Variants in LARGE1 observed in about 807,000 individuals in gnomAD.
The protein encoded by LARGE1 is LARGE xylosyl- and glucuronyltransferase 1.
LARGE1 carries 43 observed loss-of-function variants against 87.6 expected under a neutral mutation model. The observed-to-expected ratio is 0.49, with a 90% CI of 0.38 to 0.63. LARGE1 has a LOEUF of 0.63. LARGE1 is among the 30% of genes least tolerant of loss of function. LARGE1 has a pLI of 0.00. For synonymous variants in LARGE1, 434 were observed against 394.6 expected, an observed-to-expected ratio of 1.10 and a Z score of -1.18; for missense variants, 802 against 1,000.2, an observed-to-expected ratio of 0.80 and a Z score of 2.67.
intron 1 of LARGE1, among the ~76,000 whole-genome samples, chr22:33,896,247 T>A (rs2065142356): frequency 6.6e-6 from 1 of 152,262 alleles, no homozygotes; most frequent in Admixed American, 6.5e-5. Context: ...TTCATCCATG[T>A]TGTCGCATGT....
intron 3 of LARGE1, among the ~76,000 whole-genome samples, chr22:33,636,998 T>G (rs2080287482): frequency 6.6e-6 from 1 of 152,204 alleles, no homozygotes; most frequent in Admixed American, 6.5e-5. Context: ...GCCCCAAATT[T>G]CCTCAAATGT....
the LARGE1 span, among the ~76,000 whole-genome samples, chr22:33,152,559 T>C: frequency 6.6e-6 from 1 of 152,160 alleles, no homozygotes; most frequent in Non-Finnish European, 1.5e-5. Context: ...TTTGGATTTT[T>C]TATTTTTATT....
chr22:33,885,405 C>T (rs961064456), intron 1 of LARGE1, among the ~76,000 whole-genome samples: 1 of 152,180 alleles, frequency 6.6e-6, no homozygotes, highest in African/African-American at 2.4e-5. Context: ...GCTAACTACA[C>T]GTGAAGTCCC....
intron 6 of LARGE1, among the ~76,000 whole-genome samples, chr22:33,458,525 G>A (rs377426541): frequency 1.3e-5 from 2 of 151,842 alleles, no homozygotes; most frequent in African/African-American, 4.8e-5. Flanking sequence ...TCCGCTTCCC[G>A]GGTTCAAGCT....
chr22:33,764,551 A>C (rs2069683282), intron 1 of LARGE1, among the ~76,000 whole-genome samples: 1 of 152,110 alleles, frequency 6.6e-6, no homozygotes, highest in African/African-American at 2.4e-5. Flanking sequence ...TGAGGTCAGG[A>C]GTTTGAGACC....
At chr22:33,787,464 AAAT>A (rs776899165) in intron 1 of LARGE1, among the ~76,000 whole-genome samples, 2 of 152,168 alleles carry the variant, frequency 1.3e-5, no homozygotes, top group African/African-American at 2.4e-5. Flanking sequence ...ACCTGATATA[AAAT>A]AATATTTCAA....
At chr22:33,402,770 G>A (rs572237665) in intron 7 of LARGE1, among the ~76,000 whole-genome samples, 1 of 152,244 alleles carries the variant, frequency 6.6e-6, no homozygotes, top group South Asian at 2.1e-4. Flanking sequence ...CTATTGACCT[G>A]TAGGCACTGA....
chr22:33,644,027 TA>T (rs2080527512), intron 3 of LARGE1, among the ~76,000 whole-genome samples: 1 of 151,866 alleles, frequency 6.6e-6, no homozygotes, highest in African/African-American at 2.4e-5. Context: ...ATTCCAAAAA[TA>T]AAAAAAGAGG....
intron 12 of LARGE1, among the ~76,000 whole-genome samples, chr22:33,299,382 C>T (rs1240429987): frequency 6.6e-6 from 1 of 152,088 alleles, no homozygotes; most frequent in African/African-American, 2.4e-5. Flanking sequence ...GTCTGAATGA[C>T]CCCCAGGGAC....
chr22:33,516,473 C>T (rs2148476085), intron 6 of LARGE1, among the ~76,000 whole-genome samples: 1 of 152,220 alleles, frequency 6.6e-6, no homozygotes, highest in Non-Finnish European at 1.5e-5. Context: ...AAAAGGAAGC[C>T]CCACCTTTCA....
intron 11 of LARGE1, among the ~76,000 whole-genome samples, chr22:33,168,052 G>T (rs577432367): frequency 6.6e-6 from 1 of 152,262 alleles, no homozygotes; most frequent in Admixed American, 6.5e-5. Flanking sequence ...TCCTTTTAGT[G>T]GGTGAACTTT....
chr22:33,170,989 C>T (rs2227081), intron 11 of LARGE1, among the ~76,000 whole-genome samples: 18,842 of 152,028 alleles, frequency 0.12, 1,294 homozygotes, highest in East Asian at 0.21. Flanking sequence ...GTGATATGGA[C>T]GATAAAGTCC....
At chr22:33,505,342 G>T (rs77029073) in intron 6 of LARGE1, among the ~76,000 whole-genome samples, 1 of 152,194 alleles carries the variant, frequency 6.6e-6, no homozygotes, top group African/African-American at 2.4e-5. Context: ...CCAGGTTTCT[G>T]TCTGGAGCTA....
intron 9 of LARGE1, among the ~76,000 whole-genome samples, chr22:33,345,525 G>A (rs139234824): frequency 6.6e-6 from 1 of 152,338 alleles, no homozygotes; most frequent in East Asian, 1.9e-4. Context: ...CATGGAAGTT[G>A]CATGCCAGGT....
intron 1 of LARGE1, among the ~76,000 whole-genome samples, chr22:33,860,052 A>G (rs1016353271): frequency 2.6e-5 from 4 of 152,176 alleles, no homozygotes; most frequent in African/African-American, 4.8e-5. Flanking sequence ...CTGCACGACA[A>G]TGTGAAGATA....
intron 5 of LARGE1, among the ~76,000 whole-genome samples, chr22:33,602,437 T>C (rs966991314): frequency 4.6e-5 from 7 of 152,144 alleles, no homozygotes; most frequent in Non-Finnish European, 8.8e-5. Flanking sequence ...CATACAGTGG[T>C]ACGATCATAG....
the LARGE1 span, among the ~76,000 whole-genome samples, chr22:33,129,298 A>C: frequency 1.3e-5 from 2 of 152,192 alleles, no homozygotes; most frequent in Non-Finnish European, 2.9e-5. Context: ...GGGATGAAGA[A>C]TCAGGTTTTT....
the LARGE1 span, among the ~76,000 whole-genome samples, chr22:33,070,727 G>A: frequency 1.3e-5 from 2 of 152,178 alleles, no homozygotes; most frequent in South Asian, 2.1e-4. Flanking sequence ...GGCTTCTGGC[G>A]GAGGTGGTGT....
intron 1 of LARGE1, among the ~76,000 whole-genome samples, chr22:33,796,153 G>C (rs1170816843): frequency 3.9e-5 from 6 of 152,112 alleles, no homozygotes; most frequent in Admixed American, 3.9e-4. Context: ...TACCTCACAG[G>C]AGTTCTGAAG....
Sources: allele counts gnomAD v4.1 joint callset (sites outside exome capture counted in the v4.1 genomes callset), GRCh38; gene constraint gnomAD v4.1.1; transcripts MANE v1.5; gene names NCBI Gene and HGNC (gene_info 2026-07-23, HGNC 2026-07-21).